Variants in ZNF682 observed in about 807,000 individuals in gnomAD.
ZNF682 encodes the protein zinc finger protein 682.
In ZNF682, 29 loss-of-function variants were observed where a neutral mutation model predicts 36.5. That is an observed-to-expected ratio of 0.80 (90% CI 0.59 to 1.08). ZNF682 has a LOEUF of 1.08. ZNF682 is among the 50% of genes least tolerant of loss of function. The pLI, the probability that ZNF682 is intolerant of heterozygous loss-of-function variation, is 0.00. For synonymous variants in ZNF682, 180 were observed against 197.0 expected (o/e 0.91, Z 0.72); for missense variants, 561 against 579.7 (o/e 0.97, Z 0.33).
chr19:20,002,410 G>A (rs1222499928), downstream of ZNF682, among the ~76,000 whole-genome samples: 1 of 152,168 alleles, frequency 6.6e-6, no homozygotes, highest in Non-Finnish European at 1.5e-5. Context: ...AGGTCCCTGG[G>A]TGCTGAAAGA....
chr19:20,022,223 T>C (rs2088391150), intron 3 of ZNF682, among the ~76,000 whole-genome samples: 1 of 145,526 alleles, frequency 6.9e-6, no homozygotes, highest in Non-Finnish European at 1.5e-5. Context: ...TCATAAGAAA[T>C]CATAAAGCAG....
At chr19:20,023,122 T>C (rs1397925138) in intron 2 of ZNF682, 23 bp from the exon 3 acceptor site, 7 of 1,605,284 alleles carry the variant, frequency 4.4e-6, no homozygotes, top group African/African-American at 1.3e-5. Context: ...AAAAAAGTAA[T>C]GTGATTCTTG....
downstream of ZNF682, among the ~76,000 whole-genome samples, chr19:20,003,140 G>A (rs1386104774): frequency 1.7e-5 from 2 of 116,780 alleles, no homozygotes; most frequent in Non-Finnish European, 3.2e-5. Context: ...GCAGTGAGCC[G>A]AGATCGCACC....
At chr19:19,997,336 C>T in intron 3 of ZNF682, 1 of 398,416 alleles carries the variant, frequency 2.5e-6, no homozygotes, top group Non-Finnish European at 4.4e-6. Context: ...CTTTTCATAC[C>T]TCATAAATAA....
At chr19:20,034,979 C>G (rs1209314813) in intron 1 of ZNF682, among the ~76,000 whole-genome samples, 2 of 126,408 alleles carry the variant, frequency 1.6e-5, no homozygotes, top group Non-Finnish European at 3.3e-5. Flanking sequence ...GCCTGTAATC[C>G]CAGCTACTCA....
downstream of ZNF682, among the ~76,000 whole-genome samples, chr19:20,003,614 A>C (rs1425650714): frequency 6.6e-6 from 1 of 151,888 alleles, no homozygotes; most frequent in Non-Finnish European, 1.5e-5. Flanking sequence ...CTGAGGCAGG[A>C]GAATGGCGTG....
chr19:20,032,806 C>A (rs1380788634), intron 1 of ZNF682, among the ~76,000 whole-genome samples: 8 of 152,208 alleles, frequency 5.3e-5, no homozygotes, highest in Non-Finnish European at 1.2e-4. Context: ...CACGTGACAG[C>A]ACTCACTTGT....
At position 20,006,154 on chromosome 19, in the gene ZNF682, C is replaced by T. The variant is rs17679334; in HGVS notation, c.1348G>A (p.Val450Ile). Residue 450 changes from valine (V) to isoleucine (I), a missense_variant, in exon 4 of 4, where the codon GTC becomes ATC. Physicochemically the swap from Val to Ile is conservative, Grantham distance 29. Transcript: ENST00000397165. ...LTRHKKIHTA[V>I]KRYKCEECGK... ...CATTCTTCACATTTATAGCGTTTGACGGCAGTATGAATTTTCTTATGTCTA... is the reference window on the plus strand; with the variant it reads ...CATTCTTCACATTTATAGCGTTTGATGGCAGTATGAATTTTCTTATGTCTA... The T allele has an allele frequency of 0.18, 292,726 of 1,613,694 alleles. 27,961 individuals carry two copies. The highest frequency in any genetic ancestry group is 0.27 in the African/African-American group (20,454 of 74,926).
intron 3 of ZNF682, 107 bp from the exon 4 acceptor site, chr19:20,007,382 T>C (rs2088237489): frequency 2.9e-6 from 3 of 1,051,292 alleles, no homozygotes; most frequent in Middle Eastern, 2.8e-4. Flanking sequence ...GATGACTTAC[T>C]AGATGCAGCT....
At chr19:20,003,895 T>C (rs886077577), downstream of ZNF682, among the ~76,000 whole-genome samples, 2 of 152,226 alleles carry the variant, frequency 1.3e-5, no homozygotes, top group Non-Finnish European at 2.9e-5. Flanking sequence ...TTATCAACAC[T>C]TTAAAAATTA....
rs1237417988 is a variant in ZNF682 at position 20,024,381 on chromosome 19, A to G, written c.4-5T>C. 1.2e-6 allele frequency: 2 copies of G among 1,603,830 alleles called. No individual in the cohort carries two copies. The highest frequency in any genetic ancestry group is 1.7e-6 in the Non-Finnish European group (2 of 1,176,866). On this transcript the variant is annotated splice_region_variant and splice_polypyrimidine_tract_variant and intron_variant, in intron 1 of 3. Transcript: ENST00000397165. ...ATCCCTGAATGTCAACAGTTCCTGA[A>G]AAACAAAACAAAACATAGTGACCAA... is the stretch of plus-strand genomic sequence containing the variant.
At chr19:20,011,022 A>C (rs10854017) in intron 3 of ZNF682, among the ~76,000 whole-genome samples, 1 of 151,902 alleles carries the variant, frequency 6.6e-6, no homozygotes, top group African/African-American at 2.4e-5. Flanking sequence ...AATCAGATTT[A>C]AAAAAAACCA....
intron 3 of ZNF682, among the ~76,000 whole-genome samples, chr19:20,008,573 C>T (rs1401050941): frequency 6.6e-6 from 1 of 152,174 alleles, no homozygotes; most frequent in East Asian, 1.9e-4. Flanking sequence ...ATTCCATAAC[C>T]CATCCTTACT....
At chr19:20,032,818 G>A (rs1008337311) in intron 1 of ZNF682, among the ~76,000 whole-genome samples, 1 of 152,192 alleles carries the variant, frequency 6.6e-6, no homozygotes, top group Non-Finnish European at 1.5e-5. Context: ...CTCACTTGTC[G>A]TAGATAGTTT....
chr19:20,030,251 C>T (rs1362428464), intron 1 of ZNF682, among the ~76,000 whole-genome samples: 3 of 152,126 alleles, frequency 2.0e-5, no homozygotes, highest in Admixed American at 2.0e-4. Context: ...AATATTTAGT[C>T]TTCACAAGGT....
In ZNF682 at chr19:20,007,080, G is replaced by A; in HGVS notation, c.422C>T (p.Pro141Leu). 6.8e-6 allele frequency: 11 copies of A among 1,613,560 alleles called. No homozygotes were observed. The highest frequency in any genetic ancestry group is 9.3e-6 in the Non-Finnish European group (11 of 1,179,962). ...TTTATTATATGGGAAAATTTTGCTA[G>A]GTAGAGTTGACAAACATTGGTTAAG... ...NGLNQCLSTLPSKIFPYNKCV... is the reference protein window; with the variant it reads ...NGLNQCLSTLLSKIFPYNKCV... Residue 141 changes from proline (P) to leucine (L), a missense_variant, in exon 4 of 4, where the codon CCT (proline) becomes CTT (leucine). Pro to Leu is a moderately conservative substitution (Grantham distance 98). Transcript: ENST00000397165.
intron 3 of ZNF682, among the ~76,000 whole-genome samples, chr19:20,018,337 G>C (rs988717544): frequency 6.6e-6 from 1 of 151,524 alleles, no homozygotes; most frequent in East Asian, 1.9e-4. Flanking sequence ...CTCGTGATCC[G>C]CCCGCCTCGG....
chr19:20,039,124 C>T (rs2088560714), intron 1 of ZNF682: 6 of 1,390,654 alleles, frequency 4.3e-6, no homozygotes, highest in South Asian at 3.4e-5. Context: ...GGGCGGGAAG[C>T]GGGAGAACGG....
chr19:20,006,727 ATTTG>A lies in ZNF682; in HGVS notation c.771_774del (p.Lys258ValfsTer103). ...TGAAAGGCTTTTCCACATTCTTCAC[ATTTG>A]TAGGGTTTCTCACCAGTATGGATTC... On this transcript the variant is annotated frameshift_variant, in exon 4 of 4. Coordinates refer to ENST00000397165, the MANE Select transcript of ZNF682 (RefSeq NM_033196.3). LOFTEE classifies it high-confidence loss of function. 6.2e-7 allele frequency: 1 copy of A among 1,613,950 alleles called. No homozygotes were observed. The highest frequency in any genetic ancestry group is 8.5e-7 in the Non-Finnish European group (1 of 1,179,982).
Sources: allele counts gnomAD v4.1 joint callset (sites outside exome capture counted in the v4.1 genomes callset), GRCh38; gene constraint gnomAD v4.1.1; transcripts MANE v1.5; gene names NCBI Gene and HGNC (gene_info 2026-07-23, HGNC 2026-07-21).